The following LRRIQ3 variants were observed in gnomAD, a reference collection of about 807,000 sequenced individuals.
LRRIQ3 encodes leucine-rich repeat and IQ domain-containing protein 3.
Under a neutral mutation model 59.3 loss-of-function variants are expected in LRRIQ3, and 75 were observed. That is an observed-to-expected ratio of 1.26 (90% confidence interval 1.05 to 1.53). The LOEUF (loss-of-function observed/expected upper bound fraction) is 1.53, where lower values mean the gene tolerates loss of function less well. LRRIQ3 is among the 40% of genes most tolerant of loss of function. LRRIQ3 has a pLI of 0.00. For missense variants in LRRIQ3, 831 were observed against 710.0 expected (o/e 1.17, Z -1.94); for synonymous variants, 250 against 231.3 (o/e 1.08, Z -0.73).
chr1:74,036,413 C>T (rs548207433), intron 7 of LRRIQ3, among the ~76,000 whole-genome samples: 2 of 152,264 alleles, frequency 1.3e-5, no homozygotes, highest in South Asian at 2.1e-4. Flanking sequence ...CATACTTCTA[C>T]AAAATTGTCT....
chr1:74,147,322 C>A (rs770536171), intron 4 of LRRIQ3, among the ~76,000 whole-genome samples: 2 of 152,120 alleles, frequency 1.3e-5, no homozygotes, highest in Non-Finnish European at 2.9e-5. Context: ...CAAGAACATT[C>A]TAAAAAAACT....
intron 6 of LRRIQ3, among the ~76,000 whole-genome samples, chr1:74,074,391 C>G (rs1570071648): frequency 6.6e-6 from 1 of 152,036 alleles, no homozygotes; most frequent in South Asian, 2.1e-4. Context: ...TTATCAAAAT[C>G]CTAGATGCCT....
intron 7 of LRRIQ3, among the ~76,000 whole-genome samples, chr1:74,033,189 G>A (rs1328358527): frequency 2.0e-5 from 3 of 151,878 alleles, no homozygotes; most frequent in Non-Finnish European, 4.4e-5. Flanking sequence ...TAAATCTGTG[G>A]GGCATTGATT....
chr1:74,063,111 C>A (rs796571067), intron 6 of LRRIQ3, among the ~76,000 whole-genome samples: 2 of 150,422 alleles, frequency 1.3e-5, no homozygotes, highest in East Asian at 2.0e-4. Flanking sequence ...AAACAAAAAA[C>A]CCCAAAACCA....
intron 5 of LRRIQ3, among the ~76,000 whole-genome samples, chr1:74,078,965 C>T (rs907985187): frequency 4.0e-5 from 6 of 151,792 alleles, no homozygotes; most frequent in African/African-American, 1.4e-4. Flanking sequence ...AAGCTATCAG[C>T]AAATCTTGGC....
intron 5 of LRRIQ3, among the ~76,000 whole-genome samples, chr1:74,087,325 CTTAG>C (rs1646336613): frequency 7.5e-6 from 1 of 133,102 alleles, no homozygotes; most frequent in Middle Eastern, 4.2e-3. Flanking sequence ...ATATAGTTTT[CTTAG>C]TTAGCATTTT....
intron 4 of LRRIQ3, among the ~76,000 whole-genome samples, chr1:74,150,400 T>G (rs764856778): frequency 1.3e-5 from 2 of 152,314 alleles, no homozygotes; most frequent in Non-Finnish European, 2.9e-5. Context: ...TTTCTTCTTT[T>G]TTTAATTATC....
intron 3 of LRRIQ3, among the ~76,000 whole-genome samples, chr1:74,176,212 T>C (rs1439190837): frequency 6.6e-6 from 1 of 152,168 alleles, no homozygotes; most frequent in Non-Finnish European, 1.5e-5. Context: ...TCTTCATTCC[T>C]GAGGAATATT....
At chr1:74,088,546 C>T (rs1385383876) in intron 5 of LRRIQ3, among the ~76,000 whole-genome samples, 1 of 151,940 alleles carries the variant, frequency 6.6e-6, no homozygotes, top group African/African-American at 2.4e-5. Flanking sequence ...ATTCTGACAA[C>T]AGTACCAAGA....
Position 74,162,824 on chromosome 1 carries a change from G to C in LRRIQ3, c.574-6958C>G, listed in dbSNP as rs562569586. The stretch of plus-strand genomic sequence containing the variant: ...CATAGAAGTAAAATGTAGAACAGAG[G>C]ATACTAGAGGCTGGGAAGGGTAGAG... On this transcript the variant is annotated intron_variant, in intron 3 of 7. Transcript: ENST00000354431. Among the ~76,000 whole-genome samples the C allele has an allele frequency of 1.3e-4, 19 of 151,654 alleles. No homozygotes were observed. The South Asian group carries it at 3.7e-3, about 30-fold the overall frequency.
intron 5 of LRRIQ3, among the ~76,000 whole-genome samples, chr1:74,087,949 T>C (rs1056285393): frequency 6.6e-6 from 1 of 151,594 alleles, no homozygotes; most frequent in African/African-American, 2.4e-5. Flanking sequence ...ATACAAACAT[T>C]AGCTGGGTGT....
At chr1:74,123,895 T>G (rs753053059) in intron 4 of LRRIQ3, among the ~76,000 whole-genome samples, 1 of 151,938 alleles carries the variant, frequency 6.6e-6, no homozygotes, top group Non-Finnish European at 1.5e-5. Context: ...TTGTCCATAG[T>G]GGTTGTCCTA....
At position 74,072,732 on chromosome 1, in the gene LRRIQ3, C is replaced by T. The variant is rs145902758; in HGVS notation, c.997+1929G>A. ...AGTAGGTACCTATTAGCAGACTGAA[C>T]CATTTTGAAAAAAAATTTAATCCAC... On this transcript the variant is annotated intron_variant, in intron 6 of 7. Coordinates refer to ENST00000354431, the MANE Select transcript of LRRIQ3 (RefSeq NM_001105659.2). 3.1e-3 allele frequency among the ~76,000 whole-genome samples: 468 copies of T among 151,814 alleles called. 2 individuals carry two copies. Among genetic ancestry groups the T allele is most frequent in the African/African-American group, 0.011 (448 of 41,422 alleles).
At position 74,035,470 on chromosome 1, in the gene LRRIQ3, G is replaced by A. The variant is rs149731321; in HGVS notation, c.1718+5743C>T. Among the ~76,000 whole-genome samples the A allele has an allele frequency of 1.8e-3, 276 of 152,166 alleles. 10 individuals carry two copies. In the East Asian group the frequency reaches 0.047, roughly 26 times the overall value. On this transcript the variant is annotated intron_variant, in intron 7 of 7. Transcript: ENST00000354431. Reference sequence around the variant, plus strand: ...TTAATAAAATTTAAATTGACTAGCTGTAAGTTAAAATATTTTGAGTCAACA... The same window carrying A: ...TTAATAAAATTTAAATTGACTAGCTATAAGTTAAAATATTTTGAGTCAACA...
chr1:74,150,885 A>C (rs915594514), intron 4 of LRRIQ3, among the ~76,000 whole-genome samples: 3 of 152,106 alleles, frequency 2.0e-5, no homozygotes, highest in Non-Finnish European at 4.4e-5. Context: ...TGATATGACT[A>C]CAGGATATTT....
At chr1:74,029,079 T>G (rs1653611270) in intron 7 of LRRIQ3, among the ~76,000 whole-genome samples, 1 of 152,164 alleles carries the variant, frequency 6.6e-6, no homozygotes, top group Non-Finnish European at 1.5e-5. Context: ...CCTGAGACTT[T>G]GCTGAAGTTG....
chr1:74,171,690 G>A (rs1372846000), intron 3 of LRRIQ3, among the ~76,000 whole-genome samples: 1 of 151,984 alleles, frequency 6.6e-6, no homozygotes, highest in Non-Finnish European at 1.5e-5. Context: ...CTTCTTTTTG[G>A]GGGGCAGAAT....
chr1:74,064,663 A>G (rs2100453120), intron 6 of LRRIQ3, among the ~76,000 whole-genome samples: 1 of 152,126 alleles, frequency 6.6e-6, no homozygotes, highest in African/African-American at 2.4e-5. Context: ...TTCATCTGGA[A>G]TGTCTTTATT....
intron 2 of LRRIQ3, chr1:74,183,068 G>A (rs756745677): frequency 6.5e-5 from 24 of 366,874 alleles, no homozygotes; most frequent in Non-Finnish European, 8.7e-5. Flanking sequence ...ATTATTATTC[G>A]CATAGTAAAA....
Sources: allele counts gnomAD v4.1 joint callset (sites outside exome capture counted in the v4.1 genomes callset), GRCh38; gene constraint gnomAD v4.1.1; transcripts MANE v1.5; gene names NCBI Gene and HGNC (gene_info 2026-07-23, HGNC 2026-07-21).